LDLRAD4: variants seen among roughly 807,000 people sequenced by gnomAD.
LDLRAD4 encodes the protein low-density lipoprotein receptor class A domain-containing protein 4.
A neutral mutation model predicts 17.0 loss-of-function variants in LDLRAD4; 5 were observed. The ratio of observed to expected loss-of-function variants is 0.29; its 90% CI spans 0.15 to 0.62. The LOEUF (loss-of-function observed/expected upper bound fraction) is 0.62, where lower values mean the gene tolerates loss of function less well. Ranked by LOEUF, LDLRAD4 falls within the 20% of genes least tolerant of loss-of-function variation. The pLI is 0.84. For missense variants in LDLRAD4, 340 were observed against 424.7 expected, an observed-to-expected ratio of 0.80 and a Z score of 1.75; for synonymous variants, 168 against 171.8, an observed-to-expected ratio of 0.98 and a Z score of 0.17.
intron 3 of LDLRAD4, among the ~76,000 whole-genome samples, chr18:13,445,822 CTG>C (rs1214612862): frequency 2.7e-5 from 4 of 149,992 alleles, no homozygotes; most frequent in Non-Finnish European, 5.9e-5. Context: ...GTGTGTGTGT[CTG>C]TGTGTGAGGG....
chr18:13,241,718 A>T (rs935962303), intron 1 of LDLRAD4: 1 of 152,376 alleles, frequency 6.6e-6, no homozygotes, highest in Non-Finnish European at 1.5e-5. Context: ...CTCTGCCGTC[A>T]GTAGAGAATC....
chr18:13,547,191 G>A (rs537453118), intron 3 of LDLRAD4, among the ~76,000 whole-genome samples: 5 of 152,314 alleles, frequency 3.3e-5, no homozygotes, highest in Non-Finnish European at 7.4e-5. Context: ...GGAAGAAAAT[G>A]TACCACTTCG....
chr18:13,632,194 C>A (rs938156401), intron 4 of LDLRAD4, among the ~76,000 whole-genome samples: 4 of 152,180 alleles, frequency 2.6e-5, no homozygotes, highest in African/African-American at 9.7e-5. Flanking sequence ...AGTCAGAAAC[C>A]TTTGTGGCTG....
At chr18:13,465,946 C>A (rs1214150779) in intron 3 of LDLRAD4, among the ~76,000 whole-genome samples, 4 of 152,150 alleles carry the variant, frequency 2.6e-5, no homozygotes, top group Non-Finnish European at 5.9e-5. Flanking sequence ...TTTTACCTGT[C>A]TCACTTACTA....
At chr18:13,373,332 C>T (rs2084662594) in intron 1 of LDLRAD4, among the ~76,000 whole-genome samples, 1 of 152,076 alleles carries the variant, frequency 6.6e-6, no homozygotes, top group Non-Finnish European at 1.5e-5. Context: ...TGACATTATA[C>T]ACATATGTAT....
intron 2 of LDLRAD4, among the ~76,000 whole-genome samples, chr18:13,432,079 C>G (rs552475052): frequency 1.3e-5 from 2 of 152,204 alleles, no homozygotes; most frequent in African/African-American, 4.8e-5. Flanking sequence ...ACGTTGATAA[C>G]ACGCCGGTGC....
At chr18:13,558,347 G>A (rs2094505714) in intron 3 of LDLRAD4, among the ~76,000 whole-genome samples, 1 of 152,160 alleles carries the variant, frequency 6.6e-6, no homozygotes, top group Admixed American at 6.5e-5. Context: ...AGCACCACTT[G>A]CCTACCTCAG....
At chr18:13,375,779 G>A (rs1471084334) in intron 1 of LDLRAD4, among the ~76,000 whole-genome samples, 1 of 152,098 alleles carries the variant, frequency 6.6e-6, no homozygotes, top group East Asian at 1.9e-4. Flanking sequence ...TCCCTGCCAG[G>A]GAGCCTGCAC....
intron 1 of LDLRAD4, among the ~76,000 whole-genome samples, chr18:13,229,123 C>T (rs1038387717): frequency 2.6e-5 from 4 of 152,244 alleles, no homozygotes; most frequent in African/African-American, 4.8e-5. Context: ...GAGGAGGCAG[C>T]GTCCAGGCTG....
intron 1 of LDLRAD4, among the ~76,000 whole-genome samples, chr18:13,312,938 A>T (rs376570255): frequency 5.8e-4 from 88 of 152,192 alleles, no homozygotes; most frequent in East Asian, 3.1e-3. Flanking sequence ...TGGACTTTGA[A>T]AAGATGGTAA....
chr18:13,577,850 TG>T (rs146081784), intron 3 of LDLRAD4, among the ~76,000 whole-genome samples: 2,026 of 152,304 alleles, frequency 0.013, 45 homozygotes, highest in African/African-American at 0.046. Context: ...AAAAAGGCAC[TG>T]GAAACACCAC....
intron 3 of LDLRAD4, among the ~76,000 whole-genome samples, chr18:13,505,648 C>T (rs2093678558): frequency 1.3e-5 from 2 of 152,120 alleles, no homozygotes; most frequent in African/African-American, 2.4e-5. Flanking sequence ...TGAAACTCAT[C>T]TCTACTAAAA....
chr18:13,560,480 C>G (rs181751243), intron 3 of LDLRAD4, among the ~76,000 whole-genome samples: 1 of 152,250 alleles, frequency 6.6e-6, no homozygotes, highest in South Asian at 2.1e-4. Flanking sequence ...GTGGGGATGA[C>G]GGGGGCTGAT....
intron 1 of LDLRAD4, among the ~76,000 whole-genome samples, chr18:13,358,366 G>A (rs1008746616): frequency 1.3e-5 from 2 of 151,880 alleles, no homozygotes; most frequent in African/African-American, 4.8e-5. Flanking sequence ...GAGATTATAT[G>A]TTTTCACAAG....
At chr18:13,256,062 T>C (rs2043487458) in intron 1 of LDLRAD4, among the ~76,000 whole-genome samples, 1 of 152,212 alleles carries the variant, frequency 6.6e-6, no homozygotes, top group Non-Finnish European at 1.5e-5. Context: ...TTAATTGTTG[T>C]CCAGAAATCA....
intron 2 of LDLRAD4, among the ~76,000 whole-genome samples, chr18:13,417,525 C>T (rs1251267516): frequency 4.0e-5 from 6 of 151,844 alleles, no homozygotes; most frequent in Non-Finnish European, 5.9e-5. Flanking sequence ...CTCTGCCTCC[C>T]GGGTTCACGC....
intron 3 of LDLRAD4, among the ~76,000 whole-genome samples, chr18:13,446,772 C>T (rs181467059): frequency 7.8e-4 from 119 of 152,352 alleles, no homozygotes; most frequent in African/African-American, 2.7e-3. Context: ...CTGCTGCGGG[C>T]GCCAAGAGCC....
At chr18:13,450,326 A>AC (rs397793931) in intron 3 of LDLRAD4, among the ~76,000 whole-genome samples, 11,262 of 67,652 alleles carry the variant, frequency 0.17, 749 homozygotes, top group African/African-American at 0.2. Context: ...CTCTCCCCCC[A>AC]CCCCCCCCCC....
intron 1 of LDLRAD4, among the ~76,000 whole-genome samples, chr18:13,306,890 C>T (rs1044956709): frequency 5.1e-4 from 78 of 152,150 alleles, no homozygotes; most frequent in African/African-American, 1.8e-3. Flanking sequence ...AATTCAAGAG[C>T]TAGTAGACAC....
Sources: gnomAD v4.1 joint callset for allele counts (sites outside exome capture counted in the v4.1 genomes callset) on GRCh38, gnomAD v4.1.1 for gene constraint, MANE v1.5 for transcripts, NCBI Gene and HGNC (gene_info 2026-07-23, HGNC 2026-07-21) for gene names.